Variants in HIBCH observed in about 807,000 individuals in gnomAD.
HIBCH encodes the protein 3-hydroxyisobutyryl-CoA hydrolase, mitochondrial.
In HIBCH, 50 loss-of-function variants were observed where a neutral mutation model predicts 58.2. The ratio of observed to expected loss-of-function variants is 0.86; its 90% CI spans 0.68 to 1.09. The LOEUF (loss-of-function observed/expected upper bound fraction) is 1.09. Among genes scored for constraint, HIBCH ranks in the 50% least tolerant of loss-of-function variants. The pLI, the probability that HIBCH is intolerant of heterozygous loss-of-function variation, is 0.00. For synonymous variants in HIBCH, 151 were observed against 146.9 expected (o/e 1.03, Z -0.20); for missense variants, 450 against 449.7 (o/e 1.00, Z -0.01).
At chr2:190,282,855 AAAAAAGGT>A (rs1195739352) in intron 6 of HIBCH, among the ~76,000 whole-genome samples, 3 of 152,142 alleles carry the variant, frequency 2.0e-5, no homozygotes, top group Non-Finnish European at 4.4e-5. Context: ...AAAAAAAAAA[AAAAAAGGT>A]AGGATAATCC....
intron 5 of HIBCH, among the ~76,000 whole-genome samples, chr2:190,289,462 A>T (rs963815669): frequency 3.3e-5 from 5 of 152,192 alleles, no homozygotes; most frequent in South Asian, 2.1e-4. Flanking sequence ...ATGGTCTAGG[A>T]GAATACACTA....
Position 190,306,331 on chromosome 2 carries a change from T to A in HIBCH, c.78+4423A>T, listed in dbSNP as rs1026876671. On this transcript the variant is annotated intron_variant, in intron 2 of 13. Transcript: ENST00000359678. This position sits in a 1 kb window ranked among gnomAD's most constrained non-coding sequence, Gnocchi z 4.6. ...ATGAACCCAAGGGCCTGACCACTCC[T>A]TGCCTGGGTCATTTTCAAGGTAGCC... Among the ~76,000 whole-genome samples, 1 of 152,150 alleles carries A rather than the reference T, an allele frequency of 6.6e-6. No homozygotes were observed. Among genetic ancestry groups the A allele is most frequent in the African/African-American group, 2.4e-5 (1 of 41,424 alleles).
intron 6 of HIBCH, among the ~76,000 whole-genome samples, chr2:190,286,343 G>A (rs916425444): frequency 6.6e-6 from 1 of 152,214 alleles, no homozygotes; most frequent in Non-Finnish European, 1.5e-5. Context: ...CACAAAAACA[G>A]TTTTTCCTGG....
chr2:190,252,677 A>G (rs1686808307), intron 7 of HIBCH, among the ~76,000 whole-genome samples: 2 of 144,650 alleles, frequency 1.4e-5, no homozygotes, highest in Non-Finnish European at 3.2e-5. Flanking sequence ...TCAGCACAGG[A>G]AAAAAAAATA....
chr2:190,317,469 A>T (rs1027615502), intron 1 of HIBCH, among the ~76,000 whole-genome samples: 2 of 152,210 alleles, frequency 1.3e-5, no homozygotes, highest in Admixed American at 6.5e-5. Flanking sequence ...ACAGTAGGTA[A>T]TTGTTCATCC....
intron 1 of HIBCH, among the ~76,000 whole-genome samples, chr2:190,195,556 A>G (rs892177948): frequency 1.3e-5 from 2 of 152,250 alleles, no homozygotes; most frequent in South Asian, 2.1e-4. Context: ...ATATGTAAGA[A>G]GACTTCCGTG....
intron 7 of HIBCH, among the ~76,000 whole-genome samples, chr2:190,258,589 C>A (rs1348698677): frequency 1.3e-5 from 2 of 152,182 alleles, no homozygotes; most frequent in South Asian, 2.1e-4. Flanking sequence ...ATCAGTGTAG[C>A]CTGGATGTTG....
chr2:190,301,566 G>C (rs1487692717), intron 2 of HIBCH, among the ~76,000 whole-genome samples: 3 of 152,202 alleles, frequency 2.0e-5, no homozygotes, highest in Non-Finnish European at 1.5e-5. Flanking sequence ...GCATGTATTG[G>C]GGTGGTGGGT....
chr2:190,190,409 C>G (rs549538079), intron 1 of HIBCH, among the ~76,000 whole-genome samples: 4 of 152,232 alleles, frequency 2.6e-5, no homozygotes, highest in Admixed American at 2.0e-4. Flanking sequence ...AAGTTATATT[C>G]CATTTTGAGG....
At chr2:190,294,223 A>C (rs1031400573) in intron 4 of HIBCH, among the ~76,000 whole-genome samples, 3 of 151,818 alleles carry the variant, frequency 2.0e-5, no homozygotes, top group African/African-American at 4.8e-5. Flanking sequence ...AGAACTGCTT[A>C]ATATCAGCTC....
chr2:190,294,546 C>A lies in HIBCH; in HGVS notation c.304G>T (p.Val102Leu). 6.2e-7 allele frequency: 1 copy of A among 1,608,104 alleles called. No homozygotes were observed. Among genetic ancestry groups the A allele is most frequent in the South Asian group, 1.1e-5 (1 of 90,930 alleles). ...TCAGGTGAAAGGGAAAAGTCTTTAC[C>A]TCTGATATCACCCCCGGCACAGAAA... ...KAFCAGGDIR[V>L]ISEAEKAKQK... The change falls in exon 4 of 14, where the codon GTG (valine) becomes TTG (leucine). Residue 102 changes from valine (V) to leucine (L), a missense_variant and splice_region_variant. Val to Leu is a conservative substitution (Grantham distance 32). Coordinates refer to ENST00000359678, the MANE Select transcript of HIBCH (RefSeq NM_014362.4).
intron 1 of HIBCH, among the ~76,000 whole-genome samples, chr2:190,194,588 T>G (rs1016681921): frequency 2.0e-5 from 3 of 152,122 alleles, no homozygotes; most frequent in Non-Finnish European, 4.4e-5. Context: ...ATTCCTGGTG[T>G]TGTACAACCT....
At chr2:190,312,172 G>A (rs1295527829) in intron 1 of HIBCH, among the ~76,000 whole-genome samples, 2 of 152,170 alleles carry the variant, frequency 1.3e-5, no homozygotes, top group Admixed American at 6.5e-5. Flanking sequence ...CTTGTTTCTC[G>A]ATCCAGGTGC....
At chr2:190,294,501 C>G (rs373260436) in intron 4 of HIBCH, 45 bp downstream of exon 4, 2 of 1,215,344 alleles carry the variant, frequency 1.6e-6, no homozygotes, top group Non-Finnish European at 1.2e-6. Flanking sequence ...TTGATCAGTT[C>G]TAGTAGGGGG....
At chr2:190,271,593 A>G (rs1450739833) in intron 6 of HIBCH, among the ~76,000 whole-genome samples, 1 of 151,756 alleles carries the variant, frequency 6.6e-6, no homozygotes. Flanking sequence ...TCTGGCCTCT[A>G]CCTTATATTT....
chr2:190,192,452 CTGTGTGTGTGTGTGTGTG>C (rs147936734), intron 1 of HIBCH, among the ~76,000 whole-genome samples: 18 of 145,358 alleles, frequency 1.2e-4, no homozygotes, highest in East Asian at 2.0e-4. Flanking sequence ...AATTCAGAAT[CTGTGTGTGTGTGTGTGTG>C]TGTGTGTGTG....
chr2:190,298,996 T>C (rs747482101), intron 2 of HIBCH, among the ~76,000 whole-genome samples: 7 of 152,188 alleles, frequency 4.6e-5, no homozygotes, highest in East Asian at 3.8e-4. Flanking sequence ...ATTTATTAAA[T>C]AGGAAATGCT....
At chr2:190,311,051 G>A in intron 1 of HIBCH, 1 of 647,600 alleles carries the variant, frequency 1.5e-6, no homozygotes, top group Non-Finnish European at 2.8e-6. Context: ...ATGGTTGGAA[G>A]ACAAACCAAT....
intron 11 of HIBCH, among the ~76,000 whole-genome samples, chr2:190,232,043 A>G (rs1686113996): frequency 6.6e-6 from 1 of 152,044 alleles, no homozygotes. Context: ...AAAACTACAA[A>G]AATTAGCTGG....
Sources: allele counts gnomAD v4.1 joint callset (sites outside exome capture counted in the v4.1 genomes callset), GRCh38; gene constraint gnomAD v4.1.1; non-coding constraint Gnocchi (gnomAD v3.1); transcripts MANE v1.5; gene names NCBI Gene and HGNC (gene_info 2026-07-23, HGNC 2026-07-21).